The following RANBP2 variants were observed in gnomAD, a reference collection of about 807,000 sequenced individuals.
The protein encoded by RANBP2 is RAN binding protein 2.
Under a neutral mutation model 303.6 loss-of-function variants are expected in RANBP2, and 57 were observed. The ratio of observed to expected loss-of-function variants is 0.19; its 90% CI spans 0.15 to 0.23. The LOEUF (loss-of-function observed/expected upper bound fraction) is 0.23, where lower values mean the gene tolerates loss of function less well. Among genes scored for constraint, RANBP2 ranks in the 10% least tolerant of loss-of-function variants. The pLI, the probability that RANBP2 is intolerant of heterozygous loss-of-function variation, is 1.00. For synonymous variants in RANBP2, 1,167 were observed against 1,301.5 expected, an observed-to-expected ratio of 0.90 and a Z score of 2.23; for missense variants, 3,138 against 3,780.8, an observed-to-expected ratio of 0.83 and a Z score of 4.46.
chr2:108,816,324 G>T, the RANBP2 span, among the ~76,000 whole-genome samples: 1 of 152,086 alleles, frequency 6.6e-6, no homozygotes, highest in Non-Finnish European at 1.5e-5. Context: ...TTTGGCACGT[G>T]CCTGTAATCT....
the RANBP2 span, among the ~76,000 whole-genome samples, chr2:109,226,015 A>G: frequency 6.6e-6 from 1 of 152,354 alleles, no homozygotes; most frequent in African/African-American, 2.4e-5. Context: ...TTAATATTAG[A>G]GTAGTATTTT....
chr2:109,535,016 A>G, the RANBP2 span, among the ~76,000 whole-genome samples: 1 of 152,132 alleles, frequency 6.6e-6, no homozygotes, highest in Non-Finnish European at 1.5e-5. Flanking sequence ...CTCAGCCTCT[A>G]TCAGTGATCG....
At chr2:109,607,825 G>A in the RANBP2 span, among the ~76,000 whole-genome samples, 71 of 152,252 alleles carry the variant, frequency 4.7e-4, no homozygotes, top group Admixed American at 7.2e-4. Context: ...TTGATTCCCA[G>A]GATCTCCCTA....
chr2:108,763,490 C>T lies in RANBP2; in HGVS notation c.2951C>T (p.Pro984Leu), dbSNP rs770738416. Residue 984 changes from proline to leucine, a missense_variant, in exon 20 of 29, where the codon CCT (proline) becomes CTT (leucine). Pro to Leu is a moderately conservative substitution (Grantham distance 98). Transcript: ENST00000283195. ...CCAGAACCAGGATATTTCACAAAAC[C>T]TCCGATTGCAGCTCATGCTTCAAGA... ...PLPEPGYFTKPPIAAHASRSA... is the reference protein window; with the variant it reads ...PLPEPGYFTKLPIAAHASRSA... 1 of 1,614,082 alleles carries T rather than the reference C, an allele frequency of 6.2e-7. No homozygotes were observed. Among genetic ancestry groups the T allele is most frequent in the Non-Finnish European group, 8.5e-7 (1 of 1,179,998 alleles).
the RANBP2 span, among the ~76,000 whole-genome samples, chr2:109,276,878 GA>G: frequency 6.4e-4 from 96 of 150,600 alleles, 1 homozygote; most frequent in South Asian, 6.2e-3. Flanking sequence ...AATTCACATG[GA>G]AAAAAAAATG....
chr2:109,349,033 C>T, the RANBP2 span, among the ~76,000 whole-genome samples: 1 of 152,194 alleles, frequency 6.6e-6, no homozygotes, highest in Admixed American at 6.5e-5. Flanking sequence ...CTCTCTCTCT[C>T]TCTCACACAC....
At chr2:109,713,265 AG>A in the RANBP2 span, among the ~76,000 whole-genome samples, 1 of 152,176 alleles carries the variant, frequency 6.6e-6, no homozygotes, top group Non-Finnish European at 1.5e-5. Flanking sequence ...GGACAGGTTC[AG>A]GGTTCTTCAT....
chr2:109,071,316 G>T, the RANBP2 span, among the ~76,000 whole-genome samples: 3 of 152,194 alleles, frequency 2.0e-5, 1 homozygote, highest in Non-Finnish European at 4.4e-5. Flanking sequence ...AATGGGTTTG[G>T]AGTATACATG....
At chr2:109,566,369 T>G in the RANBP2 span, among the ~76,000 whole-genome samples, 2 of 152,034 alleles carry the variant, frequency 1.3e-5, no homozygotes, top group East Asian at 3.9e-4. Flanking sequence ...GATCCACCTG[T>G]CTTGGGATTA....
chr2:109,643,137 G>A, the RANBP2 span, among the ~76,000 whole-genome samples: 4 of 151,656 alleles, frequency 2.6e-5, no homozygotes, highest in South Asian at 2.1e-4. Flanking sequence ...AGCTGTGACC[G>A]TGCCACTGCA....
chr2:109,421,045 C>T, the RANBP2 span, among the ~76,000 whole-genome samples: 1 of 152,210 alleles, frequency 6.6e-6, no homozygotes, highest in African/African-American at 2.4e-5. Context: ...ATACTACCTC[C>T]ATCTCCTGCC....
intron 17 of RANBP2, among the ~76,000 whole-genome samples, chr2:108,756,259 T>C (rs1010372064): frequency 6.6e-6 from 1 of 152,212 alleles, no homozygotes; most frequent in Non-Finnish European, 1.5e-5. Context: ...TGAAAAGTGG[T>C]CTGAGCTTCA....
At chr2:109,144,250 AATGTAT>A in the RANBP2 span, among the ~76,000 whole-genome samples, 27 of 152,382 alleles carry the variant, frequency 1.8e-4, no homozygotes, top group Middle Eastern at 3.4e-3. Context: ...TATTAACTGG[AATGTAT>A]ATGTATATCA....
At chr2:109,250,154 C>G in the RANBP2 span, among the ~76,000 whole-genome samples, 2 of 137,454 alleles carry the variant, frequency 1.5e-5, no homozygotes, top group African/African-American at 5.5e-5. Context: ...TTTTCTCTGT[C>G]TTTAAGGTTT....
At chr2:108,854,086 TTTATA>T in the RANBP2 span, among the ~76,000 whole-genome samples, 4 of 132,326 alleles carry the variant, frequency 3.0e-5, no homozygotes, top group East Asian at 2.0e-4. Context: ...ATATAATAAA[TTTATA>T]TTATATATAT....
At chr2:108,864,655 G>T in the RANBP2 span, among the ~76,000 whole-genome samples, 1 of 152,122 alleles carries the variant, frequency 6.6e-6, no homozygotes, top group Non-Finnish European at 1.5e-5. Flanking sequence ...AAAGCCAGGC[G>T]TGGTGGCCCA....
At chr2:109,459,528 G>A in the RANBP2 span, among the ~76,000 whole-genome samples, 2 of 152,140 alleles carry the variant, frequency 1.3e-5, no homozygotes, top group African/African-American at 4.8e-5. Flanking sequence ...GATTGAGAGC[G>A]TGCTAGGAGA....
chr2:109,554,757 G>A, the RANBP2 span, among the ~76,000 whole-genome samples: 9 of 152,206 alleles, frequency 5.9e-5, no homozygotes, highest in African/African-American at 2.2e-4. Context: ...CCTCATATAT[G>A]TAACAGGTAC....
At chr2:109,066,771 G>C in the RANBP2 span, among the ~76,000 whole-genome samples, 1 of 152,080 alleles carries the variant, frequency 6.6e-6, no homozygotes, top group Non-Finnish European at 1.5e-5. Context: ...GCCCAGGACT[G>C]CCTGAGTTAC....
Sources: allele counts gnomAD v4.1 joint callset (sites outside exome capture counted in the v4.1 genomes callset), GRCh38; gene constraint gnomAD v4.1.1; transcripts MANE v1.5; gene names NCBI Gene and HGNC (gene_info 2026-07-23, HGNC 2026-07-21).